The following DNAAF5 variants were observed in gnomAD, a reference collection of about 807,000 sequenced individuals.
DNAAF5 encodes HEAT repeat containing 2.
In DNAAF5, 64 loss-of-function variants were observed where a neutral mutation model predicts 75.8. The observed-to-expected ratio is 0.84, with a 90% CI of 0.69 to 1.04. The LOEUF is 1.04. DNAAF5 is among the 50% of genes least tolerant of loss of function. DNAAF5 has a pLI of 0.00. For missense variants in DNAAF5, 1,269 were observed against 1,178.5 expected, an observed-to-expected ratio of 1.08 and a Z score of -1.12; for synonymous variants, 657 against 557.2, an observed-to-expected ratio of 1.18 and a Z score of -2.52.
At chr7:768,791 G>C (rs552917983) in intron 8 of DNAAF5, 1 of 234,664 alleles carries the variant, frequency 4.3e-6, no homozygotes, top group East Asian at 9.0e-5. Context: ...CCAGGAGTTG[G>C]ACTTGACCTG....
chr7:747,511 G>C (rs1020937878), intron 4 of DNAAF5, among the ~76,000 whole-genome samples: 67 of 151,682 alleles, frequency 4.4e-4, no homozygotes, highest in Non-Finnish European at 8.8e-5. Context: ...TGTCTGGCTG[G>C]TGTGCAGTGT....
At position 770,489 on chromosome 7, in the gene DNAAF5, C is replaced by G. The variant is rs745537484; in HGVS notation, c.1802C>G (p.Ala601Gly). 9.3e-6 allele frequency: 15 copies of G among 1,613,412 alleles called. No individual in the cohort carries two copies. In the Admixed American group the frequency reaches 1.2e-4, roughly 13 times the overall value. ...VAQSGPALGEALPHVVPTLRA... is the reference protein window; with the variant it reads ...VAQSGPALGEGLPHVVPTLRA... Reference sequence around the variant, plus strand: ...CTTACAGGCCCTGCCCTGGGAGAAGCCCTGCCACACGTCGTGCCCACGCTG... The same window carrying G: ...CTTACAGGCCCTGCCCTGGGAGAAGGCCTGCCACACGTCGTGCCCACGCTG... The change falls in exon 9 of 13, where the codon GCC (alanine) becomes GGC (glycine). Residue 601 changes from alanine (A) to glycine (G), a missense_variant. By Grantham distance (60) the Ala-to-Gly change is moderately conservative. Transcript: ENST00000297440.
At chr7:764,882 C>G (rs1475133278) in intron 8 of DNAAF5, among the ~76,000 whole-genome samples, 1 of 152,104 alleles carries the variant, frequency 6.6e-6, no homozygotes, top group African/African-American at 2.4e-5. Context: ...ACCAGCCTGG[C>G]CAACACGGCA....
chr7:726,978 C>A lies in DNAAF5; in HGVS notation c.258C>A (p.Ser86Arg), dbSNP rs866101617. 4 of 1,294,018 alleles carry A rather than the reference C, an allele frequency of 3.1e-6. No homozygotes were observed. Among genetic ancestry groups the A allele is most frequent in the South Asian group, 3.8e-5 (2 of 51,990 alleles). The allele number at this position is 1,294,018 out of a possible 1,614,324, so 80.2% of individuals were successfully genotyped here. A position where few individuals can be genotyped will look rare whatever the true frequency, so the allele number is the denominator to read the frequency against. Reference sequence around the variant, plus strand: ...TGCCGCGCTTGCTGCGCTGCCTGAGCGACCCCGCCGAGGGCTGCCGCGCGC... The same window carrying A: ...TGCCGCGCTTGCTGCGCTGCCTGAGAGACCCCGCCGAGGGCTGCCGCGCGC... The part of the protein sequence containing the change: ...LLLPRLLRCL[S>R]DPAEGCRALA... Residue 86 changes from serine to arginine, a missense_variant, in exon 1 of 13, where the codon AGC becomes AGA. Physicochemically the swap from Ser to Arg is moderately radical, Grantham distance 110. Transcript: ENST00000297440.
intron 12 of DNAAF5, among the ~76,000 whole-genome samples, chr7:782,695 C>T (rs112227977): frequency 1.8e-5 from 2 of 108,246 alleles, no homozygotes; most frequent in Non-Finnish European, 3.8e-5. Context: ...CGCCTCCCGT[C>T]ACGCAGCGTC....
At chr7:780,684 C>T (rs1778906929) in intron 12 of DNAAF5, among the ~76,000 whole-genome samples, 1 of 152,214 alleles carries the variant, frequency 6.6e-6, no homozygotes, top group Admixed American at 6.5e-5. Context: ...CAATACCACG[C>T]CAACAGCGAC....
Position 753,890 on chromosome 7 carries a change from CTCA to C in DNAAF5, c.1025-694_1025-692del, listed in dbSNP as rs777496430. Among the ~76,000 whole-genome samples, 790 of 140,698 alleles carry C rather than the reference CTCA, an allele frequency of 5.6e-3. 17 individuals carry two copies. Among genetic ancestry groups the C allele is most frequent in the African/African-American group, 0.02 (744 of 36,396 alleles). The allele number at this position is 140,698 out of a possible 152,430, so 92.3% of individuals were successfully genotyped here. On this transcript the variant is annotated intron_variant, in intron 4 of 12. Transcript: ENST00000297440. Reference sequence around the variant, plus strand: ...GCGACGGCTTCGCAGGCGTCTCTCTCTCATCATATGGCGATGGCTTCGCAGGCG... The same window carrying C: ...GCGACGGCTTCGCAGGCGTCTCTCTCTCATATGGCGATGGCTTCGCAGGCG...
At chr7:729,876 T>C (rs1432960061) in intron 2 of DNAAF5, 29 bp downstream of exon 2, 6 of 1,610,112 alleles carry the variant, frequency 3.7e-6, no homozygotes, top group Non-Finnish European at 5.1e-6. Context: ...GGACAGTCTG[T>C]TCCTCTCTCC....
chr7:779,308 G>A (rs1468714329), intron 11 of DNAAF5, among the ~76,000 whole-genome samples: 1 of 152,192 alleles, frequency 6.6e-6, no homozygotes, highest in Non-Finnish European at 1.5e-5. Context: ...GCCCCTCCCA[G>A]CGTCGGGAAG....
chr7:772,323 C>T (rs962711515), intron 9 of DNAAF5: 1 of 152,220 alleles, frequency 6.6e-6, no homozygotes, highest in African/African-American at 2.4e-5. Flanking sequence ...CTTCAGAAAT[C>T]CAAAATGCTC....
At chr7:781,585 C>T (rs939919374) in intron 12 of DNAAF5, among the ~76,000 whole-genome samples, 2 of 143,478 alleles carry the variant, frequency 1.4e-5, no homozygotes, top group South Asian at 2.3e-4. Flanking sequence ...TTTGGAGGGA[C>T]CTCCAGACTG....
intron 1 of DNAAF5, among the ~76,000 whole-genome samples, chr7:728,543 T>C (rs892560551): frequency 1.3e-5 from 2 of 152,216 alleles, no homozygotes; most frequent in Non-Finnish European, 2.9e-5. Flanking sequence ...AGAACTCCTG[T>C]GGAGCTTGGG....
In DNAAF5 at chr7:754,319, C is replaced by T. The variant is rs1782414631; in HGVS notation, c.1025-270C>T. Among the ~76,000 whole-genome samples, 1 of 152,114 alleles carries T rather than the reference C, an allele frequency of 6.6e-6. No homozygotes were observed. The highest frequency in any genetic ancestry group is 6.5e-5 in the Admixed American group (1 of 15,282). On this transcript the variant is annotated intron_variant, in intron 4 of 12. Transcript: ENST00000297440. The surrounding 1 kb of genome is among the most constrained non-coding windows in gnomAD (Gnocchi z 4.8). ...TTCCTGTTTTTTATAGAGATGGGGT[C>T]TTTGCCATGTTGCCCAGGCTGGTCT...
Position 761,750 on chromosome 7 carries a change from C to G in DNAAF5, c.1471-3C>G. ...CTCTGACGGTGCTGCCGGTCTCTTCCAGGACCTCTACCTGGAGCGCCTGCT... is the reference window on the plus strand; with the variant it reads ...CTCTGACGGTGCTGCCGGTCTCTTCGAGGACCTCTACCTGGAGCGCCTGCT... On this transcript the variant is annotated splice_region_variant and splice_polypyrimidine_tract_variant and intron_variant, in intron 6 of 12. Transcript: ENST00000297440. The G allele has an allele frequency of 1.2e-6, 2 of 1,600,104 alleles. No homozygotes were observed. Among genetic ancestry groups the G allele is most frequent in the Non-Finnish European group, 1.7e-6 (2 of 1,173,886 alleles).
At chr7:761,723 A>T (rs1452514953) in intron 6 of DNAAF5, 30 bp from the exon 7 acceptor site, 1 of 1,576,658 alleles carries the variant, frequency 6.3e-7, no homozygotes, top group Non-Finnish European at 8.6e-7. Flanking sequence ...AATTGTACCA[A>T]GCTCTGACGG....
chr7:764,071 G>C, intron 8 of DNAAF5, 97 bp downstream of exon 8: 1 of 1,342,782 alleles, frequency 7.4e-7, no homozygotes, highest in Non-Finnish European at 1.0e-6. Flanking sequence ...CCGACCAGCT[G>C]AGCTGTGGTT....
chr7:751,721 C>T (rs889385979), intron 4 of DNAAF5, among the ~76,000 whole-genome samples: 1 of 151,764 alleles, frequency 6.6e-6, no homozygotes, highest in Non-Finnish European at 1.5e-5. Flanking sequence ...TACAGGCGCT[C>T]GCCAGCACGA....
At position 727,152 on chromosome 7, in the gene DNAAF5, G is replaced by T. The variant is rs1438667964; in HGVS notation, c.432G>T (p.Ala144=). The change falls in exon 1 of 13, where the codon GCG becomes GCT. Residue 144 remains alanine (A), a synonymous_variant. Coordinates refer to ENST00000297440, the MANE Select transcript of DNAAF5 (RefSeq NM_017802.4). The part of the protein sequence containing the change: ...PPEACEELRL[A]LVQLLGLAVD... ...AGGCCTGTGAGGAGCTGCGCCTGGC[G>T]CTTGTGCAGCTGCTGGGCCTGGCCG... is the stretch of plus-strand genomic sequence containing the variant. 42 of 1,273,012 alleles carry T rather than the reference G, an allele frequency of 3.3e-5. No individual in the cohort carries two copies. Among genetic ancestry groups the T allele is most frequent in the Non-Finnish European group, 3.5e-5 (35 of 1,006,258 alleles). 78.9% of individuals were successfully genotyped at this position (1,273,012 alleles called of 1,614,324 possible).
intron 9 of DNAAF5, chr7:772,536 CTG>C (rs1262897712): frequency 6.6e-6 from 1 of 152,222 alleles, no homozygotes; most frequent in Non-Finnish European, 1.5e-5. Context: ...TCGAGTCCCT[CTG>C]TGAATAGGAA....
Sources: gnomAD v4.1 joint callset for allele counts (sites outside exome capture counted in the v4.1 genomes callset) on GRCh38, gnomAD v4.1.1 for gene constraint, Gnocchi (gnomAD v3.1) non-coding constraint, MANE v1.5 for transcripts, NCBI Gene and HGNC (gene_info 2026-07-23, HGNC 2026-07-21) for gene names.